The following LRPPRC variants were observed in gnomAD, a reference collection of about 807,000 sequenced individuals.
LRPPRC encodes leucine-rich PPR motif-containing protein, mitochondrial.
LRPPRC carries 120 observed loss-of-function variants against 180.3 expected under a neutral mutation model. That is an observed-to-expected ratio of 0.67 (90% CI 0.57 to 0.77). The LOEUF is 0.77. LRPPRC is among the 30% of genes least tolerant of loss of function. The pLI is 0.00. For synonymous variants in LRPPRC, 723 were observed against 600.0 expected (o/e 1.21, Z -3.00); for missense variants, 2,012 against 1,657.2 (o/e 1.21, Z -3.72).
intron 29 of LRPPRC, among the ~76,000 whole-genome samples, chr2:43,912,912 G>T (rs561157873): frequency 2.0e-4 from 30 of 152,104 alleles, no homozygotes; most frequent in Admixed American, 5.2e-4. Context: ...AAAATAAATC[G>T]CAAAATGTGT....
intron 26 of LRPPRC, 91 bp from the exon 27 acceptor site, chr2:43,925,248 C>G (rs1671835419): frequency 2.5e-6 from 2 of 811,824 alleles, no homozygotes; most frequent in South Asian, 2.7e-5. Flanking sequence ...TTCAAATTAG[C>G]TTTACCAAAA....
At chr2:43,944,433 A>G (rs898380864) in intron 22 of LRPPRC, among the ~76,000 whole-genome samples, 1 of 152,128 alleles carries the variant, frequency 6.6e-6, no homozygotes, top group Admixed American at 6.6e-5. Context: ...AGGCAGAAAC[A>G]AACATTTTAG....
In LRPPRC at chr2:43,974,212, T is replaced by C. The variant is rs749519524; in HGVS notation, c.1093A>G (p.Lys365Glu). The C allele has an allele frequency of 1.9e-6, 3 of 1,612,434 alleles. No individual in the cohort carries two copies. In the Admixed American group the frequency reaches 5.0e-5, roughly 27 times the overall value. ...LQILLACPVSKEDGPSVFGSF... is the reference protein window; with the variant it reads ...LQILLACPVSEEDGPSVFGSF... Reference sequence around the variant, plus strand: ...CCAAAGACACTTGGGCCATCTTCCTTTGATACGGGGCATGCTAGTAAAATT... The same window carrying C: ...CCAAAGACACTTGGGCCATCTTCCTCTGATACGGGGCATGCTAGTAAAATT... Residue 365 changes from lysine to glutamate, a missense_variant, in exon 9 of 38, where the codon AAG becomes GAG. Coordinates refer to ENST00000260665, the MANE Select transcript of LRPPRC (RefSeq NM_133259.4).
At position 43,887,595 on chromosome 2, in the gene LRPPRC, A is replaced by C. The variant is rs1246753942; in HGVS notation, c.*1005T>G. ...GGGGAGAGTTCTCAAAACATTTTCA[A>C]CATTTCGGTAATTAATTACCTCATC... On this transcript the variant is annotated 3_prime_UTR_variant, in exon 38 of 38. Transcript: ENST00000260665. 2.6e-5 allele frequency: 4 copies of C among 152,226 alleles called. No homozygotes were observed. The highest frequency in any genetic ancestry group is 1.3e-4 in the Admixed American group (2 of 15,282). 9.4% of individuals were successfully genotyped at this position (152,226 alleles called of 1,614,324 possible). A position where few individuals can be genotyped will look rare whatever the true frequency, so the allele number is the denominator to read the frequency against.
intron 23 of LRPPRC, among the ~76,000 whole-genome samples, chr2:43,942,695 T>G (rs1472756261): frequency 6.6e-6 from 1 of 152,060 alleles, no homozygotes; most frequent in Non-Finnish European, 1.5e-5. Flanking sequence ...GGGGAAAACA[T>G]GAGAACCGTT....
chr2:43,980,001 G>T, intron 2 of LRPPRC, 53 bp from the exon 3 acceptor site: 2 of 1,549,100 alleles, frequency 1.3e-6, no homozygotes, highest in South Asian at 1.1e-5. Context: ...ATATCACATA[G>T]ATAAATATCA....
At chr2:43,937,027 T>C (rs1288849527) in intron 23 of LRPPRC, among the ~76,000 whole-genome samples, 3 of 152,172 alleles carry the variant, frequency 2.0e-5, no homozygotes, top group Non-Finnish European at 2.9e-5. Flanking sequence ...AGTGGCATGA[T>C]TTGCTTTTCC....
At chr2:43,920,152 T>G (rs1265024799) in intron 27 of LRPPRC, among the ~76,000 whole-genome samples, 1 of 151,890 alleles carries the variant, frequency 6.6e-6, no homozygotes, top group East Asian at 1.9e-4. Context: ...TATATTTTTT[T>G]TGAGATGGAG....
intron 1 of LRPPRC, among the ~76,000 whole-genome samples, chr2:43,983,440 A>G (rs1040822071): frequency 2.0e-5 from 3 of 152,178 alleles, no homozygotes; most frequent in African/African-American, 4.8e-5. Flanking sequence ...AGGTAAAAAT[A>G]TAAGCTGTAC....
chr2:43,956,632 G>A (rs189164128), intron 14 of LRPPRC, among the ~76,000 whole-genome samples: 11 of 152,292 alleles, frequency 7.2e-5, no homozygotes, highest in Admixed American at 7.2e-4. Flanking sequence ...GCTCATGCCT[G>A]TAAACCCAGC....
At position 43,975,150 on chromosome 2, in the gene LRPPRC, T is replaced by C; in HGVS notation, c.805A>G (p.Thr269Ala). 1 of 1,613,510 alleles carries C rather than the reference T, an allele frequency of 6.2e-7. No individual in the cohort carries two copies. Among genetic ancestry groups the C allele is most frequent in the Non-Finnish European group, 8.5e-7 (1 of 1,179,598 alleles). Residue 269 changes from threonine to alanine, a missense_variant, in exon 7 of 38, where the codon ACA (threonine) becomes GCA (alanine). Thr to Ala is a moderately conservative substitution (Grantham distance 58, BLOSUM62 0). Transcript: ENST00000260665. Reference protein sequence around the residue: ...RDAGIEPGPDTYLALLNAYAE... With the variant: ...RDAGIEPGPDAYLALLNAYAE... ...TATGCATTCAATAATGCGAGGTATG[T>C]GTCTGGACCAGGCTCAATTCCGGCA...
intron 14 of LRPPRC, among the ~76,000 whole-genome samples, chr2:43,951,873 A>C (rs906018123): frequency 1.3e-5 from 2 of 152,208 alleles, no homozygotes; most frequent in Non-Finnish European, 2.9e-5. Context: ...ATATATTTTT[A>C]TCAAAGTATC....
intron 14 of LRPPRC, among the ~76,000 whole-genome samples, chr2:43,957,071 G>T (rs1182059424): frequency 1.3e-5 from 2 of 152,168 alleles, no homozygotes; most frequent in Non-Finnish European, 2.9e-5. Context: ...GCAATTAAAT[G>T]CTCAAAGAAT....
At chr2:43,982,649 C>T (rs765226197) in intron 1 of LRPPRC, among the ~76,000 whole-genome samples, 1 of 152,136 alleles carries the variant, frequency 6.6e-6, no homozygotes, top group Non-Finnish European at 1.5e-5. Flanking sequence ...CACAGTAAAT[C>T]TCCTGAATAA....
intron 29 of LRPPRC, among the ~76,000 whole-genome samples, chr2:43,915,053 CAAAAAAAA>C (rs71393213): frequency 2.1e-5 from 2 of 96,898 alleles, no homozygotes; most frequent in Non-Finnish European, 4.5e-5. Flanking sequence ...ACTAAAAATA[CAAAAAAAA>C]AAAAAAAAAA....
chr2:43,950,592 T>A lies in LRPPRC; in HGVS notation c.1658A>T (p.Asn553Ile). ...ACTTACCTCGCTCCAAAGATTTATA[T>A]TCATAGACCTGCAGAGGGCAGCAAA... ...SLLLGFRRSMNINLWSEITEL... is the reference protein window; with the variant it reads ...SLLLGFRRSMIINLWSEITEL... Residue 553 changes from asparagine to isoleucine, a missense_variant, in exon 15 of 38, where the codon AAT (asparagine) becomes ATT (isoleucine). Coordinates refer to ENST00000260665, the MANE Select transcript of LRPPRC (RefSeq NM_133259.4). 6.2e-7 allele frequency: 1 copy of A among 1,613,608 alleles called. No homozygotes were observed.
chr2:43,950,274 C>T (rs547577186), intron 15 of LRPPRC, among the ~76,000 whole-genome samples: 77 of 151,880 alleles, frequency 5.1e-4, no homozygotes, highest in Non-Finnish European at 9.9e-4. Context: ...AGGTTTGTTA[C>T]ATCGGTAAAC....
At chr2:43,968,191 G>A (rs1673642561) in intron 11 of LRPPRC, among the ~76,000 whole-genome samples, 1 of 152,252 alleles carries the variant, frequency 6.6e-6, no homozygotes, top group South Asian at 2.1e-4. Flanking sequence ...GTTGTCGCAT[G>A]TTTCTGAGCC....
At chr2:43,949,514 G>C (rs1175047143) in intron 16 of LRPPRC, 88 bp downstream of exon 16, 4 of 898,056 alleles carry the variant, frequency 4.5e-6, no homozygotes, top group Non-Finnish European at 7.4e-6. Flanking sequence ...AAAAAATAAA[G>C]TATTTACTGC....
Sources: gnomAD v4.1 joint callset for allele counts (sites outside exome capture counted in the v4.1 genomes callset) on GRCh38, gnomAD v4.1.1 for gene constraint, MANE v1.5 for transcripts, NCBI Gene and HGNC (gene_info 2026-07-23, HGNC 2026-07-21) for gene names.